CALN1: variants seen among roughly 807,000 people sequenced by gnomAD.
CALN1 encodes the protein calcium-binding protein 8.
A neutral mutation model predicts 30.6 loss-of-function variants in CALN1; 17 were observed. The observed-to-expected ratio is 0.56, with a 90% CI of 0.38 to 0.83. The LOEUF (loss-of-function observed/expected upper bound fraction) is 0.83. Ranked by LOEUF, CALN1 falls within the 40% of genes least tolerant of loss-of-function variation. CALN1 has a pLI of 0.00. For synonymous variants in CALN1, 156 were observed against 131.4 expected (o/e 1.19, Z -1.28); for missense variants, 291 against 354.9 (o/e 0.82, Z 1.45).
chr7:72,316,669 C>G (rs561852990), intron 2 of CALN1, among the ~76,000 whole-genome samples: 175 of 152,222 alleles, frequency 1.1e-3, no homozygotes, highest in African/African-American at 3.9e-3. Flanking sequence ...GGGGCAGTGT[C>G]TCATGCCTGA....
chr7:72,102,256 C>A (rs1027725345), intron 4 of CALN1, among the ~76,000 whole-genome samples: 3 of 151,980 alleles, frequency 2.0e-5, no homozygotes. Context: ...ACCAGCCTGG[C>A]CAACATGGTG....
At chr7:71,847,206 G>A (rs1185138727) in intron 5 of CALN1, among the ~76,000 whole-genome samples, 1 of 151,888 alleles carries the variant, frequency 6.6e-6, no homozygotes, top group Non-Finnish European at 1.5e-5. Flanking sequence ...GTTTAGCTGT[G>A]TCCCCCACTC....
chr7:72,115,737 C>A (rs1807937853), intron 3 of CALN1, among the ~76,000 whole-genome samples: 1 of 152,012 alleles, frequency 6.6e-6, no homozygotes, highest in South Asian at 2.1e-4. Context: ...CTGCCCGCCT[C>A]AGCCTCCCAA....
intron 5 of CALN1, among the ~76,000 whole-genome samples, chr7:72,021,108 C>CA (rs1054365141): frequency 1.3e-5 from 2 of 151,852 alleles, no homozygotes; most frequent in African/African-American, 4.8e-5. Context: ...CCATATCTAC[C>CA]AAAAAACACA....
chr7:71,956,518 G>GAGGGA (rs1796970813), intron 5 of CALN1, among the ~76,000 whole-genome samples: 2 of 132,048 alleles, frequency 1.5e-5, no homozygotes, highest in South Asian at 4.9e-4. Context: ...ACAGAGGGAG[G>GAGGGA]GTGTCGTTAT....
chr7:72,027,142 C>T (rs997689166), intron 4 of CALN1, among the ~76,000 whole-genome samples: 1 of 152,156 alleles, frequency 6.6e-6, no homozygotes, highest in Non-Finnish European at 1.5e-5. Context: ...GTACATAATA[C>T]ACAGTGTATC....
chr7:72,081,175 T>C (rs1805112153), intron 4 of CALN1, among the ~76,000 whole-genome samples: 2 of 152,060 alleles, frequency 1.3e-5, no homozygotes, highest in Admixed American at 6.5e-5. Flanking sequence ...GAAAAAACCA[T>C]CTTCAGAAAC....
chr7:71,869,940 G>T (rs571797145), intron 5 of CALN1, among the ~76,000 whole-genome samples: 1 of 152,192 alleles, frequency 6.6e-6, no homozygotes, highest in South Asian at 2.1e-4. Context: ...CAGGTTTCCT[G>T]GAATTACCAA....
chr7:72,411,362 A>G (rs536665390), intron 1 of CALN1, among the ~76,000 whole-genome samples: 1 of 152,344 alleles, frequency 6.6e-6, no homozygotes, highest in African/African-American at 2.4e-5. Context: ...GAAATCATAC[A>G]AAAGAGATTC....
chr7:72,306,755 T>C (rs1048275808), intron 2 of CALN1, among the ~76,000 whole-genome samples: 1 of 152,228 alleles, frequency 6.6e-6, no homozygotes, highest in Non-Finnish European at 1.5e-5. Flanking sequence ...TAAATGTATT[T>C]GATTGATGTC....
chr7:72,170,225 CT>C (rs1788841497), intron 3 of CALN1, among the ~76,000 whole-genome samples: 1 of 152,160 alleles, frequency 6.6e-6, no homozygotes, highest in East Asian at 1.9e-4. Flanking sequence ...TCATGTGATC[CT>C]GCTCAACCCT....
At chr7:71,912,863 A>T (rs576967311) in intron 5 of CALN1, among the ~76,000 whole-genome samples, 1 of 152,300 alleles carries the variant, frequency 6.6e-6, no homozygotes, top group South Asian at 2.1e-4. Context: ...ATCCACTTGT[A>T]AAAACAATCC....
intron 3 of CALN1, among the ~76,000 whole-genome samples, chr7:72,203,714 G>A (rs143456790): frequency 5.5e-4 from 83 of 152,216 alleles, no homozygotes; most frequent in Non-Finnish European, 9.4e-4. Flanking sequence ...AATACAAAGA[G>A]CTTTATTCCT....
intron 3 of CALN1, among the ~76,000 whole-genome samples, chr7:72,227,898 C>T (rs1328527705): frequency 2.6e-5 from 4 of 151,126 alleles, no homozygotes; most frequent in South Asian, 2.1e-4. Flanking sequence ...GACACCATCC[C>T]GAAGGTCTTC....
chr7:72,487,734 A>AAAGAAAGAAAGAAAGAAAGAAAGGAAGG, the CALN1 span, among the ~76,000 whole-genome samples: 1 of 56,622 alleles, frequency 1.8e-5, no homozygotes, highest in East Asian at 6.9e-4. Context: ...AGAAAGAAAG[A>AAAGAAAGAAAGAAAGAAAGAAAGGAAGG]AAGGAAGGAA....
chr7:72,406,595 C>T (rs1806710222), intron 1 of CALN1, among the ~76,000 whole-genome samples: 1 of 150,482 alleles, frequency 6.6e-6, no homozygotes, highest in South Asian at 2.1e-4. Context: ...TTCCTAGACC[C>T]ACATGAGGGT....
At chr7:72,036,791 G>A (rs1304756512) in intron 4 of CALN1, among the ~76,000 whole-genome samples, 2 of 150,960 alleles carry the variant, frequency 1.3e-5, no homozygotes, top group Non-Finnish European at 2.9e-5. Flanking sequence ...TCTTTTTCAG[G>A]AACAGCTTAT....
chr7:71,974,322 G>A (rs1797993264), intron 5 of CALN1, among the ~76,000 whole-genome samples: 2 of 149,140 alleles, frequency 1.3e-5, no homozygotes, highest in Non-Finnish European at 3.0e-5. Context: ...GGAGATTGAG[G>A]CAGGAGAATT....
At chr7:72,138,606 A>C (rs1186129294) in intron 3 of CALN1, among the ~76,000 whole-genome samples, 1 of 152,260 alleles carries the variant, frequency 6.6e-6, no homozygotes, top group East Asian at 1.9e-4. Flanking sequence ...GCACCGGCTG[A>C]GAACTGAGTT....
Sources: gnomAD v4.1 joint callset for allele counts (sites outside exome capture counted in the v4.1 genomes callset) on GRCh38, gnomAD v4.1.1 for gene constraint, MANE v1.5 for transcripts, NCBI Gene and HGNC (gene_info 2026-07-23, HGNC 2026-07-21) for gene names.